KIR3DL2: variants seen among roughly 807,000 people sequenced by gnomAD.
KIR3DL2 encodes the protein killer cell immunoglobulin-like receptor 3DL2.
A neutral mutation model predicts 41.6 loss-of-function variants in KIR3DL2; 42 were observed. The ratio of observed to expected loss-of-function variants is 1.01; its 90% CI spans 0.79 to 1.31. The LOEUF is 1.31. Among genes scored for constraint, KIR3DL2 ranks in the 50% most tolerant of loss-of-function variants. The pLI, the probability that KIR3DL2 is intolerant of heterozygous loss-of-function variation, is 0.00. For synonymous variants in KIR3DL2, 230 were observed against 221.3 expected, an observed-to-expected ratio of 1.04 and a Z score of -0.35; for missense variants, 728 against 576.8, an observed-to-expected ratio of 1.26 and a Z score of -2.68.
At chr19:54,852,441 A>C (rs655534) in intron 3 of KIR3DL2, among the ~76,000 whole-genome samples, 159 bp downstream of exon 3, 58,472 of 148,048 alleles carry the variant, frequency 0.39, 9,814 homozygotes, top group South Asian at 0.47. Context: ...TGGGAAGAAT[A>C]ACTGTCGCCA....
chr19:54,852,074 T>G lies in KIR3DL2; in HGVS notation c.147T>G (p.Cys49Trp). Residue 49 changes from cysteine to tryptophan, a missense_variant, in exon 3 of 9, where the codon TGT (cysteine) becomes TGG (tryptophan). Physicochemically the swap from Cys to Trp is radical, Grantham distance 215 (BLOSUM62 -2). Coordinates refer to ENST00000326321, the MANE Select transcript of KIR3DL2 (RefSeq NM_006737.4). ...GAGGAGGACACGTGGCTCTTCAGTG[T>G]CACTATCGTCGTGGGTTTAACAATT... Reference protein sequence around the residue: ...VPRGGHVALQCHYRRGFNNFM... With the variant: ...VPRGGHVALQWHYRRGFNNFM... 6.2e-7 allele frequency: 1 copy of G among 1,612,666 alleles called. No homozygotes were observed. The highest frequency in any genetic ancestry group is 1.1e-5 in the South Asian group (1 of 91,060).
rs191567777 is a variant in KIR3DL2 at position 54,866,883 on chromosome 19, G to A, written c.*152G>A. ...CTCTTGCTTACAAATGCCTAAGGTC[G>A]CCACTGCCTGCTGCAGAGAAAACAC... On this transcript the variant is annotated 3_prime_UTR_variant, in exon 9 of 9. Transcript: ENST00000326321. 100 of 835,044 alleles carry A rather than the reference G, an allele frequency of 1.2e-4. 1 individual carries two copies. The African/African-American group carries it at 1.5e-3, about 12-fold the overall frequency. 51.7% of individuals were successfully genotyped at this position (835,044 alleles called of 1,614,324 possible).
In KIR3DL2 at chr19:54,865,919, AC is replaced by A; in HGVS notation, c.1105+11del. 1 of 1,606,894 alleles carries A rather than the reference AC, an allele frequency of 6.2e-7. No homozygotes were observed. Among genetic ancestry groups the A allele is most frequent in the Non-Finnish European group, 8.5e-7 (1 of 1,174,206 alleles). On this transcript the variant is annotated intron_variant, in intron 7 of 8. Coordinates refer to ENST00000326321, the MANE Select transcript of KIR3DL2 (RefSeq NM_006737.4). ...TGCTCCAACAAAAAGAGTAAGTCTC[AC>A]GAAGCAGAGGCCAGAGAGCTCAGGG... is the stretch of plus-strand genomic sequence containing the variant.
intron 6 of KIR3DL2, among the ~76,000 whole-genome samples, chr19:54,865,581 T>A (rs1434608169): frequency 6.6e-6 from 1 of 152,064 alleles, no homozygotes; most frequent in African/African-American, 2.4e-5. Context: ...GTGTGAGGTT[T>A]CAAAGGGTCA....
intron 5 of KIR3DL2, among the ~76,000 whole-genome samples, chr19:54,856,450 A>C (rs1462432156): frequency 1.3e-5 from 2 of 150,986 alleles, no homozygotes; most frequent in African/African-American, 4.9e-5. Flanking sequence ...AGAGGCCAAG[A>C]AAGGTGGATC....
chr19:54,865,836 G>A lies in KIR3DL2; in HGVS notation c.1032G>A (p.Gly344=), dbSNP rs567259315. ...GICRHLHVLI[G]TSVVIFLFIL... ...GCAGACACCTGCATGTTCTGATTGG[G>A]ACCTCAGTGGTCATCTTCCTCTTCA... The change falls in exon 7 of 9, where the codon GGG becomes GGA. Residue 344 remains glycine (G), a synonymous_variant. Transcript: ENST00000326321. The A allele has an allele frequency of 6.2e-7, 1 of 1,613,812 alleles. No individual in the cohort carries two copies. Among genetic ancestry groups the A allele is most frequent in the South Asian group, 1.1e-5 (1 of 91,078 alleles).
intron 6 of KIR3DL2, among the ~76,000 whole-genome samples, chr19:54,859,359 T>C (rs1222873858): frequency 1.3e-5 from 2 of 152,070 alleles, no homozygotes; most frequent in Admixed American, 1.3e-4. Context: ...GCTAGAAGAA[T>C]AATTGCCAAT....
At position 54,852,164 on chromosome 19, in the gene KIR3DL2, C is replaced by A. The variant is rs1224730127; in HGVS notation, c.237C>A (p.Ser79Arg). 6.2e-7 allele frequency: 1 copy of A among 1,612,978 alleles called. No individual in the cohort carries two copies. Among genetic ancestry groups the A allele is most frequent in the Non-Finnish European group, 8.5e-7 (1 of 1,179,608 alleles). Reference protein sequence around the residue: ...PIFHGRIFQESFIMGPVTPAH... With the variant: ...PIFHGRIFQERFIMGPVTPAH... ...TCCACGGCAGAATATTCCAGGAGAGCTTCATCATGGGCCCTGTGACCCCAG... is the reference window on the plus strand; with the variant it reads ...TCCACGGCAGAATATTCCAGGAGAGATTCATCATGGGCCCTGTGACCCCAG... The change falls in exon 3 of 9, where the codon AGC becomes AGA. Residue 79 changes from serine to arginine, a missense_variant. Physicochemically the swap from Ser to Arg is moderately radical, Grantham distance 110. Transcript: ENST00000326321.
Position 54,853,825 on chromosome 19 carries a change from G to T in KIR3DL2, c.434G>T (p.Trp145Leu). The T allele has an allele frequency of 6.2e-7, 1 of 1,613,018 alleles. No homozygotes were observed. Among genetic ancestry groups the T allele is most frequent in the Non-Finnish European group, 8.5e-7 (1 of 1,179,556 alleles). ...KSGETVILQCWSDVMFEHFFL... is the reference protein window; with the variant it reads ...KSGETVILQCLSDVMFEHFFL... ...GGAGAGACAGTCATCCTGCAATGTT[G>T]GTCAGATGTCATGTTTGAGCACTTC... The change falls in exon 4 of 9, where the codon TGG (tryptophan) becomes TTG (leucine). Residue 145 changes from tryptophan (W) to leucine (L), a missense_variant. Transcript: ENST00000326321.
chr19:54,855,906 G>A lies in KIR3DL2; in HGVS notation c.943G>A (p.Val315Ile). ...SNSSDPLLVS[V>I]TGNPSSSWPS... ...CTCAAGTGACCCACTGCTTGTTTCT[G>A]TCACAGGTGAGGAAAACCCGTGTCT... The change falls in exon 5 of 9, where the codon GTC (valine) becomes ATC (isoleucine). Residue 315 changes from valine (V) to isoleucine (I), a missense_variant. Coordinates refer to ENST00000326321, the MANE Select transcript of KIR3DL2 (RefSeq NM_006737.4). 1 of 1,613,484 alleles carries A rather than the reference G, an allele frequency of 6.2e-7. No individual in the cohort carries two copies. Among genetic ancestry groups the A allele is most frequent in the Non-Finnish European group, 8.5e-7 (1 of 1,179,916 alleles).
At chr19:54,857,643 C>T (rs1412850010) in intron 5 of KIR3DL2, among the ~76,000 whole-genome samples, 1 of 150,842 alleles carries the variant, frequency 6.6e-6, no homozygotes, top group Non-Finnish European at 1.5e-5. Context: ...CCTCTGCCTC[C>T]CGCGTTCAAC....
rs1234707296 is a variant in KIR3DL2, at chr19:54,859,079, G to A, written c.950G>A (p.Gly317Glu). 2.4e-5 allele frequency: 38 copies of A among 1,613,678 alleles called. 1 individual carries two copies. The African/African-American group carries it at 4.5e-4, about 19-fold the overall frequency. Residue 317 changes from glycine to glutamate, a missense_variant and splice_region_variant, in exon 6 of 9, where the codon GGA (glycine) becomes GAA (glutamate). Gly to Glu is a moderately conservative substitution (Grantham distance 98). Transcript: ENST00000326321. Reference sequence around the variant, plus strand: ...ACATCTCTCCTGTCCCGTGTTCTAGGAAACCCTTCAAGTAGTTGGCCTTCA... The same window carrying A: ...ACATCTCTCCTGTCCCGTGTTCTAGAAAACCCTTCAAGTAGTTGGCCTTCA... ...SSDPLLVSVT[G>E]NPSSSWPSPT...
Position 54,859,087 on chromosome 19 carries a change from T to C in KIR3DL2, c.958T>C (p.Ser320Pro). 6.2e-7 allele frequency: 1 copy of C among 1,613,696 alleles called. No homozygotes were observed. Among genetic ancestry groups the C allele is most frequent in the Non-Finnish European group, 8.5e-7 (1 of 1,179,732 alleles). Residue 320 changes from serine (S) to proline (P), a missense_variant, in exon 6 of 9, where the codon TCA becomes CCA. Physicochemically the swap from Ser to Pro is moderately conservative, Grantham distance 74. Transcript: ENST00000326321. ...CCTGTCCCGTGTTCTAGGAAACCCT[T>C]CAAGTAGTTGGCCTTCACCCACAGA... ...PLLVSVTGNP[S>P]SSWPSPTEPS...
chr19:54,865,755 A>C (rs745475879), intron 6 of KIR3DL2, 50 bp from the exon 7 acceptor site: 1 of 1,470,158 alleles, frequency 6.8e-7, no homozygotes, highest in Middle Eastern at 1.7e-4. Context: ...ACAATCCATA[A>C]AGAGGAACTG....
At chr19:54,856,804 T>TG (rs1003716520) in intron 5 of KIR3DL2, among the ~76,000 whole-genome samples, 5 of 152,212 alleles carry the variant, frequency 3.3e-5, no homozygotes, top group South Asian at 2.1e-4. Context: ...CTCCTGCATG[T>TG]GGTGAGAAAT....
intron 6 of KIR3DL2, among the ~76,000 whole-genome samples, chr19:54,861,699 C>T (rs2065193464): frequency 6.6e-6 from 1 of 150,550 alleles, no homozygotes; most frequent in South Asian, 2.1e-4. Flanking sequence ...ACAAATGATG[C>T]AGGCACCTGA....
intron 3 of KIR3DL2, among the ~76,000 whole-genome samples, chr19:54,853,101 G>C (rs1267625111): frequency 6.6e-6 from 1 of 151,342 alleles, no homozygotes; most frequent in Admixed American, 6.6e-5. Flanking sequence ...AAAAGTGACT[G>C]TCTCAAAAAT....
chr19:54,853,251 G>A (rs1472128288), intron 3 of KIR3DL2, among the ~76,000 whole-genome samples: 1 of 151,648 alleles, frequency 6.6e-6, no homozygotes, highest in East Asian at 1.9e-4. Flanking sequence ...CCAGCACCAG[G>A]GACCACCCTA....
chr19:54,855,229 T>C lies in KIR3DL2; in HGVS notation c.656-390T>C, dbSNP rs1247428158. 8.6e-5 allele frequency among the ~76,000 whole-genome samples: 13 copies of C among 151,084 alleles called. 1 individual carries two copies. Among genetic ancestry groups the C allele is most frequent in the Non-Finnish European group, 1.5e-4 (10 of 67,898 alleles). On this transcript the variant is annotated intron_variant, in intron 4 of 8. Coordinates refer to ENST00000326321, the MANE Select transcript of KIR3DL2 (RefSeq NM_006737.4). The stretch of plus-strand genomic sequence containing the variant: ...AGACAATTGATAGATAAATGATACA[T>C]AGATATAGATGACAGATAATTTGTA...
Sources: allele counts gnomAD v4.1 joint callset (sites outside exome capture counted in the v4.1 genomes callset), GRCh38; gene constraint gnomAD v4.1.1; transcripts MANE v1.5; gene names NCBI Gene and HGNC (gene_info 2026-07-23, HGNC 2026-07-21).